Variants in DDX60L observed in about 807,000 individuals in gnomAD.
DDX60L encodes probable ATP-dependent RNA helicase DDX60-like.
Under a neutral mutation model 211.6 loss-of-function variants are expected in DDX60L, and 191 were observed. The observed-to-expected ratio is 0.90, with a 90% CI of 0.80 to 1.02. The LOEUF (loss-of-function observed/expected upper bound fraction) is 1.02, where lower values mean the gene tolerates loss of function less well. Among genes scored for constraint, DDX60L ranks in the 50% least tolerant of loss-of-function variants. The pLI, the probability that DDX60L is intolerant of heterozygous loss-of-function variation, is 0.00. For missense variants in DDX60L, 2,007 were observed against 1,984.1 expected, an observed-to-expected ratio of 1.01 and a Z score of -0.22; for synonymous variants, 706 against 694.1, an observed-to-expected ratio of 1.02 and a Z score of -0.27.
In DDX60L at chr4:168,433,183, T is replaced by G. The variant is rs1752597838; in HGVS notation, c.1295-68A>C. On this transcript the variant is annotated intron_variant, in intron 10 of 37. Coordinates refer to ENST00000682922, the MANE Select transcript of DDX60L (RefSeq NM_001012967.3). ...TATCCTATATGAATTTTGAACATTA[T>G]TTTTAAAATTTCAAATGCATAATAT... is the stretch of plus-strand genomic sequence containing the variant. 5.5e-6 allele frequency: 6 copies of G among 1,084,240 alleles called. No individual in the cohort carries two copies. The South Asian group carries it at 9.7e-5, about 17-fold the overall frequency. 67.2% of individuals were successfully genotyped at this position (1,084,240 alleles called of 1,614,324 possible).
At chr4:168,465,167 CT>C (rs1757821214) in intron 4 of DDX60L, among the ~76,000 whole-genome samples, 19 of 146,066 alleles carry the variant, frequency 1.3e-4, no homozygotes, top group African/African-American at 4.5e-4. Flanking sequence ...TTTTTTTTGT[CT>C]TTTTGACAAC....
At chr4:168,401,636 A>G (rs1490826707) in intron 25 of DDX60L, among the ~76,000 whole-genome samples, 1 of 152,206 alleles carries the variant, frequency 6.6e-6, no homozygotes, top group African/African-American at 2.4e-5. Flanking sequence ...CTTGACATAC[A>G]GTTTGCTAGA....
chr4:168,471,669 G>A (rs1579882062), intron 4 of DDX60L, 78 bp downstream of exon 4: 1 of 1,164,968 alleles, frequency 8.6e-7, no homozygotes, highest in South Asian at 2.0e-5. Context: ...CTTCATTTTA[G>A]GTCAAAGGCT....
At position 168,421,766 on chromosome 4, in the gene DDX60L, G is replaced by A. The variant is rs375662028; in HGVS notation, c.2388C>T (p.Pro796=). The A allele has an allele frequency of 3.1e-5, 50 of 1,613,804 alleles. No homozygotes were observed. In the Admixed American group the frequency reaches 4.5e-4, roughly 15 times the overall value. ...SDVGVVVYVA[P]AKSLVGQVAA... is the part of the protein sequence containing the mutation. ...AAAGTCATTCAAACACTACCTTTGC[G>A]GGTGCAACGTACACAACCACCCCGA... is the stretch of plus-strand genomic sequence containing the variant. The change falls in exon 17 of 38, where the codon CCC becomes CCT. Residue 796 remains proline (P), a synonymous_variant. Coordinates refer to ENST00000682922, the MANE Select transcript of DDX60L (RefSeq NM_001012967.3).
At chr4:168,379,270 G>C in intron 32 of DDX60L, 93 bp downstream of exon 32, 1 of 1,135,238 alleles carries the variant, frequency 8.8e-7, no homozygotes, top group Non-Finnish European at 1.2e-6. Context: ...TAATAAATGA[G>C]AAGGAGGAAG....
At chr4:168,422,472 A>G in intron 16 of DDX60L, 52 bp downstream of exon 16, 3 of 1,539,730 alleles carry the variant, frequency 1.9e-6, no homozygotes, top group Non-Finnish European at 2.6e-6. Flanking sequence ...CACAGTAATG[A>G]AAAGTTCTGA....
At chr4:168,422,949 G>T (rs1750871467) in intron 15 of DDX60L, among the ~76,000 whole-genome samples, 1 of 140,992 alleles carries the variant, frequency 7.1e-6, no homozygotes, top group African/African-American at 2.8e-5. Flanking sequence ...ACAGGCACAT[G>T]CTATCAATTG....
chr4:168,394,010 T>A (rs1442911676), intron 28 of DDX60L, among the ~76,000 whole-genome samples: 1 of 152,080 alleles, frequency 6.6e-6, no homozygotes, highest in Non-Finnish European at 1.5e-5. Flanking sequence ...CTGGCCCGTA[T>A]GGTGAAACCC....
chr4:168,365,172 G>A (rs1249679512), intron 36 of DDX60L, among the ~76,000 whole-genome samples: 2 of 151,934 alleles, frequency 1.3e-5, no homozygotes, highest in Non-Finnish European at 2.9e-5. Flanking sequence ...AAAGAATAAA[G>A]CTTAAAGAAG....
At chr4:168,378,211 G>A in intron 33 of DDX60L, 143 bp downstream of exon 33, 4 of 465,406 alleles carry the variant, frequency 8.6e-6, no homozygotes, top group Non-Finnish European at 1.5e-5. Context: ...AAATTAAATA[G>A]AACTCTAATT....
chr4:168,448,569 A>G (rs1755174330), intron 9 of DDX60L, 69 bp downstream of exon 9: 1 of 1,209,412 alleles, frequency 8.3e-7, no homozygotes, highest in Non-Finnish European at 1.2e-6. Flanking sequence ...TGTGGTATGT[A>G]CTGGAAAATT....
intron 4 of DDX60L, chr4:168,469,324 A>G (rs1469519254): frequency 2.6e-5 from 4 of 152,252 alleles, no homozygotes; most frequent in Non-Finnish European, 5.9e-5. Flanking sequence ...TGTTCTCAAC[A>G]ATGGATGCTG....
chr4:168,417,351 C>A (rs1749743471), intron 19 of DDX60L, among the ~76,000 whole-genome samples: 1 of 152,130 alleles, frequency 6.6e-6, no homozygotes, highest in Admixed American at 6.5e-5. Flanking sequence ...AACATACTGG[C>A]CTTCTTTTCA....
chr4:168,395,081 C>T (rs1745540773), intron 27 of DDX60L, among the ~76,000 whole-genome samples: 1 of 152,192 alleles, frequency 6.6e-6, no homozygotes. Context: ...CCCTCATAGC[C>T]TCACTTCTAA....
chr4:168,461,427 A>G (rs1157539106), intron 5 of DDX60L, among the ~76,000 whole-genome samples: 6 of 152,232 alleles, frequency 3.9e-5, no homozygotes, highest in African/African-American at 7.2e-5. Context: ...AGATGAGGTG[A>G]CAATACCACA....
At chr4:168,442,365 T>A (rs1299175486) in intron 9 of DDX60L, among the ~76,000 whole-genome samples, 1 of 150,552 alleles carries the variant, frequency 6.6e-6, no homozygotes, top group African/African-American at 2.4e-5. Context: ...GCCCACGGAG[T>A]CTCGCTGATT....
chr4:168,445,154 A>G (rs773587207), intron 9 of DDX60L, among the ~76,000 whole-genome samples: 2,079 of 137,734 alleles, frequency 0.015, 27 homozygotes, highest in Non-Finnish European at 0.019. Flanking sequence ...AGAAAAAAAG[A>G]GAGAAGAATC....
chr4:168,424,871 G>A (rs924509148), intron 14 of DDX60L, among the ~76,000 whole-genome samples: 1 of 152,132 alleles, frequency 6.6e-6, no homozygotes, highest in Non-Finnish European at 1.5e-5. Flanking sequence ...GTGGTTTGGT[G>A]CGGTTTTGTT....
At chr4:168,455,031 A>C (rs1398104039) in intron 7 of DDX60L, among the ~76,000 whole-genome samples, 3 of 151,672 alleles carry the variant, frequency 2.0e-5, no homozygotes, top group Non-Finnish European at 2.9e-5. Context: ...TCTCTCTCCA[A>C]ATATATTTAT....
Sources: allele counts gnomAD v4.1 joint callset (sites outside exome capture counted in the v4.1 genomes callset), GRCh38; gene constraint gnomAD v4.1.1; transcripts MANE v1.5; gene names NCBI Gene and HGNC (gene_info 2026-07-23, HGNC 2026-07-21).